ZEB1: variants seen among roughly 807,000 people sequenced by gnomAD.
ZEB1 encodes zinc finger E-box binding homeobox 1.
ZEB1 carries 21 observed loss-of-function variants against 84.9 expected under a neutral mutation model. The observed-to-expected ratio is 0.25, with a 90% confidence interval of 0.18 to 0.36. The LOEUF (loss-of-function observed/expected upper bound fraction) is 0.36. Ranked by LOEUF, ZEB1 falls within the 10% of genes least tolerant of loss-of-function variation. ZEB1 has a pLI of 1.00. For missense variants in ZEB1, 1,104 were observed against 1,330.2 expected (o/e 0.83, Z 2.65); for synonymous variants, 420 against 471.1 (o/e 0.89, Z 1.41).
intron 1 of ZEB1, among the ~76,000 whole-genome samples, chr10:31,377,427 C>G (rs2046840538): frequency 6.6e-6 from 1 of 151,682 alleles, no homozygotes; most frequent in Admixed American, 6.6e-5. Flanking sequence ...ATGAGGCCAT[C>G]TTAGCATCTC....
chr10:31,397,001 T>C lies in ZEB1; in HGVS notation c.59-64036T>C, dbSNP rs568450741. ...CGAGCTCTCCTAACTTAAAACTTTT[T>C]TATTTTTTATTATTATTATTTTTTT... On this transcript the variant is annotated intron_variant, in intron 1 of 8. Transcript: ENST00000424869. Among the ~76,000 whole-genome samples the C allele has an allele frequency of 4.0e-5, 6 of 150,276 alleles. No individual in the cohort carries two copies. In the East Asian group the frequency reaches 9.7e-4, roughly 24 times the overall value.
chr10:31,456,043 G>C (rs1055417448), intron 1 of ZEB1, among the ~76,000 whole-genome samples: 7 of 152,160 alleles, frequency 4.6e-5, no homozygotes, highest in African/African-American at 1.7e-4. Flanking sequence ...TAAAGAAAAT[G>C]TGGCACATAT....
intron 1 of ZEB1, among the ~76,000 whole-genome samples, chr10:31,441,878 G>A (rs1200453981): frequency 6.6e-6 from 1 of 152,214 alleles, no homozygotes; most frequent in Non-Finnish European, 1.5e-5. Context: ...ACACCAGTTA[G>A]AATGGCAATC....
intron 2 of ZEB1, among the ~76,000 whole-genome samples, chr10:31,464,037 C>A (rs2062103233): frequency 6.6e-6 from 1 of 151,844 alleles, no homozygotes; most frequent in Admixed American, 6.6e-5. Flanking sequence ...TAAAATAAAA[C>A]CAGTGTGTTT....
chr10:31,371,539 T>G (rs1165292218), intron 1 of ZEB1, among the ~76,000 whole-genome samples: 2 of 152,216 alleles, frequency 1.3e-5, no homozygotes, highest in African/African-American at 4.8e-5. Flanking sequence ...ATATAAAGTC[T>G]TCTCAGATCA....
At chr10:31,351,105 G>T (rs1211115231) in intron 1 of ZEB1, among the ~76,000 whole-genome samples, 1 of 152,156 alleles carries the variant, frequency 6.6e-6, no homozygotes, top group Admixed American at 6.5e-5. Context: ...CTTGGGCATA[G>T]TTTCAACCTC....
chr10:31,412,297 C>T (rs146468831), intron 1 of ZEB1, among the ~76,000 whole-genome samples: 2 of 152,050 alleles, frequency 1.3e-5, no homozygotes, highest in African/African-American at 2.4e-5. Flanking sequence ...TTCTAGGCTA[C>T]GTGTGCACAA....
At chr10:31,395,231 G>A (rs1186972606) in intron 1 of ZEB1, among the ~76,000 whole-genome samples, 1 of 152,108 alleles carries the variant, frequency 6.6e-6, no homozygotes, top group East Asian at 1.9e-4. Flanking sequence ...ATCTTGTCTA[G>A]TCTCACTGTT....
chr10:31,390,123 T>A (rs956358609), intron 1 of ZEB1, among the ~76,000 whole-genome samples: 1 of 152,188 alleles, frequency 6.6e-6, no homozygotes, highest in African/African-American at 2.4e-5. Flanking sequence ...TAACAAATAA[T>A]GGTTTAGTGT....
chr10:31,495,102 A>G (rs1480618391), intron 2 of ZEB1, among the ~76,000 whole-genome samples: 1 of 152,050 alleles, frequency 6.6e-6, no homozygotes, highest in Non-Finnish European at 1.5e-5. Context: ...CTTTGGAGCC[A>G]ATCAGACCTG....
intron 5 of ZEB1, among the ~76,000 whole-genome samples, chr10:31,512,959 G>A (rs1318647952): frequency 2.0e-5 from 3 of 152,160 alleles, no homozygotes; most frequent in African/African-American, 7.2e-5. Flanking sequence ...AGTGTGAAAG[G>A]GAGAAAGGTA....
rs761161647 is a variant in ZEB1, at chr10:31,363,756, G to A, written c.58+44464G>A. ...GCACGGGTTTCTTCCTTGAGGGGGG[G>A]CTCCAGACCACAGGACGCAGGACCC... On this transcript the variant is annotated intron_variant, in intron 1 of 8. Transcript: ENST00000424869. 4.2e-5 allele frequency: 52 copies of A among 1,233,796 alleles called. 4 individuals are homozygous for A. The South Asian group carries it at 6.7e-4, about 16-fold the overall frequency. 76.4% of individuals were successfully genotyped at this position (1,233,796 alleles called of 1,614,324 possible).
At chr10:31,487,444 A>G (rs1455281370) in intron 2 of ZEB1, among the ~76,000 whole-genome samples, 1 of 151,236 alleles carries the variant, frequency 6.6e-6, no homozygotes, top group African/African-American at 2.4e-5. Context: ...GTGTTTCATA[A>G]TTTCAGAATA....
chr10:31,491,602 T>G (rs954305528), intron 2 of ZEB1, among the ~76,000 whole-genome samples: 3 of 151,884 alleles, frequency 2.0e-5, no homozygotes, highest in African/African-American at 2.4e-5. Context: ...GGAATCACCC[T>G]GTGCTACTCT....
intron 1 of ZEB1, among the ~76,000 whole-genome samples, chr10:31,419,344 G>T (rs1487988840): frequency 6.6e-6 from 1 of 152,100 alleles, no homozygotes; most frequent in Non-Finnish European, 1.5e-5. Flanking sequence ...ATTATGGACA[G>T]CCAAGTTAGG....
At chr10:31,484,735 A>G (rs1230159806) in intron 2 of ZEB1, among the ~76,000 whole-genome samples, 1 of 151,968 alleles carries the variant, frequency 6.6e-6, no homozygotes, top group Non-Finnish European at 1.5e-5. Context: ...TGGCTGACAG[A>G]AAAGGAATGA....
At chr10:31,496,624 A>G (rs969265674) in intron 3 of ZEB1, among the ~76,000 whole-genome samples, 2 of 152,206 alleles carry the variant, frequency 1.3e-5, no homozygotes, top group South Asian at 2.1e-4. Flanking sequence ...TTTCCTCAAA[A>G]TATTATACTT....
At chr10:31,426,052 C>T (rs2056887176) in intron 1 of ZEB1, among the ~76,000 whole-genome samples, 1 of 152,110 alleles carries the variant, frequency 6.6e-6, no homozygotes, top group Admixed American at 6.5e-5. Context: ...TCTAATTACT[C>T]TCTGTGTGAA....
At chr10:31,322,216 G>A (rs2034269182) in intron 1 of ZEB1, 1 of 152,308 alleles carries the variant, frequency 6.6e-6, no homozygotes, top group Admixed American at 6.5e-5. Flanking sequence ...TAAAAATGAA[G>A]TTATATTCCA....
Sources: allele counts gnomAD v4.1 joint callset (sites outside exome capture counted in the v4.1 genomes callset), GRCh38; gene constraint gnomAD v4.1.1; transcripts MANE v1.5; gene names NCBI Gene and HGNC (gene_info 2026-07-23, HGNC 2026-07-21).